The following PTPRT variants were observed in gnomAD, a reference collection of about 807,000 sequenced individuals.
PTPRT encodes the protein receptor-type tyrosine-protein phosphatase T.
A neutral mutation model predicts 176.8 loss-of-function variants in PTPRT; 56 were observed. The observed-to-expected ratio is 0.32, with a 90% CI of 0.26 to 0.40. The LOEUF (loss-of-function observed/expected upper bound fraction) is 0.40. Among genes scored for constraint, PTPRT ranks in the 10% least tolerant of loss-of-function variants. The probability of loss-of-function intolerance (pLI) is 1.00; values close to 1 mark genes in which losing one functional copy is unlikely to be tolerated. For missense variants in PTPRT, 1,540 were observed against 1,908.2 expected (o/e 0.81, Z 3.60); for synonymous variants, 783 against 739.0 (o/e 1.06, Z -0.96).
chr20:43,167,724 A>AT (rs1239072899), intron 1 of PTPRT, among the ~76,000 whole-genome samples: 2 of 152,192 alleles, frequency 1.3e-5, no homozygotes, highest in Non-Finnish European at 2.9e-5. Context: ...CATATGTTAG[A>AT]AAGGTCCATG....
In PTPRT at chr20:42,957,736, A is replaced by C. The variant is rs1418163928; in HGVS notation, c.89-71804T>G. Among the ~76,000 whole-genome samples, 4 of 152,194 alleles carry C rather than the reference A, an allele frequency of 2.6e-5. No homozygotes were observed. The South Asian group carries it at 6.2e-4, about 24-fold the overall frequency. ...TGCACTGCACTGTACCCATCTCTGG[A>C]AATTTTTTAACAAACTCAGATTTAA... On this transcript the variant is annotated intron_variant, in intron 1 of 30. Transcript: ENST00000373187.
intron 1 of PTPRT, among the ~76,000 whole-genome samples, chr20:43,010,299 G>T (rs1178272745): frequency 6.6e-6 from 1 of 152,050 alleles, no homozygotes. Flanking sequence ...ATGATCATTG[G>T]TAAGGCTTCC....
In PTPRT at chr20:42,294,567, C is replaced by T. The variant is rs190281065; in HGVS notation, c.2140-12042G>A. 4.6e-5 allele frequency among the ~76,000 whole-genome samples: 7 copies of T among 152,042 alleles called. No individual in the cohort carries two copies. The East Asian group carries it at 1.4e-3, about 29-fold the overall frequency. ...AACAAACTGTTTCTGAACTGAGAAT[C>T]GTATAAGCCACTTTAAATCTAAAAA... is the stretch of plus-strand genomic sequence containing the variant. On this transcript the variant is annotated intron_variant, in intron 12 of 30. Coordinates refer to ENST00000373187, the MANE Select transcript of PTPRT (RefSeq NM_007050.6).
intron 1 of PTPRT, among the ~76,000 whole-genome samples, chr20:42,944,835 G>A (rs895612544): frequency 6.6e-6 from 1 of 152,086 alleles, no homozygotes; most frequent in Non-Finnish European, 1.5e-5. Context: ...ATGTGTCTGT[G>A]ATATCTTACC....
At chr20:42,127,139 C>G (rs6029986) in intron 19 of PTPRT, among the ~76,000 whole-genome samples, 134,378 of 152,268 alleles carry the variant, frequency 0.88, 59,367 homozygotes, top group African/African-American at 0.92. Flanking sequence ...AGGGACAGGA[C>G]TAGGCTGCAA....
Position 43,186,256 on chromosome 20 carries a change from C to T in PTPRT, c.88+3390G>A, listed in dbSNP as rs567893326. ...CGGCATAGGTAGAAAGAAGCAGAGG[C>T]GGGATTTAAACTGAGGACTTCAGAT... On this transcript the variant is annotated intron_variant, in intron 1 of 30. Coordinates refer to ENST00000373187, the MANE Select transcript of PTPRT (RefSeq NM_007050.6). Among the ~76,000 whole-genome samples, 5 of 152,342 alleles carry T rather than the reference C, an allele frequency of 3.3e-5. No individual in the cohort carries two copies. In the East Asian group the frequency reaches 7.7e-4, roughly 24 times the overall value.
chr20:43,027,438 T>TAC (rs1985958525), intron 1 of PTPRT, among the ~76,000 whole-genome samples: 1 of 147,372 alleles, frequency 6.8e-6, no homozygotes, highest in Non-Finnish European at 1.5e-5. Context: ...ATCGTGCCAC[T>TAC]ACACTCCAGC....
intron 1 of PTPRT, chr20:42,969,758 C>G (rs1320921927): frequency 1.3e-5 from 2 of 152,176 alleles, no homozygotes; most frequent in Admixed American, 6.5e-5. Context: ...TATTAATATT[C>G]ATACTTTTTG....
At chr20:42,794,567 C>A (rs1453172455) in intron 2 of PTPRT, among the ~76,000 whole-genome samples, 1 of 152,140 alleles carries the variant, frequency 6.6e-6, no homozygotes, top group Non-Finnish European at 1.5e-5. Flanking sequence ...GGGCAGTGCA[C>A]CATAAAAGAA....
intron 16 of PTPRT, among the ~76,000 whole-genome samples, chr20:42,168,328 A>T (rs1989919814): frequency 1.3e-5 from 2 of 152,160 alleles, no homozygotes; most frequent in African/African-American, 4.8e-5. Flanking sequence ...GTAATTGCTG[A>T]TGGTGATGAC....
Position 43,078,640 on chromosome 20 carries a change from T to C in PTPRT, c.88+111006A>G, listed in dbSNP as rs78945494. ...TGCCATAGGGAAAGCAACAAAAATC[T>C]AACTCAAACAAACGCTTTCCACTTA... On this transcript the variant is annotated intron_variant, in intron 1 of 30. Transcript: ENST00000373187. Among the ~76,000 whole-genome samples the C allele has an allele frequency of 9.4e-4, 143 of 152,328 alleles. 4 individuals are homozygous for C. In the East Asian group the frequency reaches 0.027, roughly 29 times the overall value.
At chr20:43,033,030 G>C (rs1055237164) in intron 1 of PTPRT, among the ~76,000 whole-genome samples, 2 of 152,144 alleles carry the variant, frequency 1.3e-5, no homozygotes, top group East Asian at 3.9e-4. Context: ...TGTCTGTGTG[G>C]TGTGTGCGGT....
chr20:42,109,323 G>A lies in PTPRT; in HGVS notation c.3254+1010C>T, dbSNP rs541287195. On this transcript the variant is annotated intron_variant, in intron 23 of 30. Coordinates refer to ENST00000373187, the MANE Select transcript of PTPRT (RefSeq NM_007050.6). ...CAAGGTCATATTGGAAGAGAGAGGC[G>A]TTGGGAAGGAGGGGGATGCCAGCTG... 2.4e-4 allele frequency among the ~76,000 whole-genome samples: 36 copies of A among 152,256 alleles called. No homozygotes were observed. The South Asian group carries it at 3.9e-3, about 17-fold the overall frequency.
chr20:42,234,295 C>T (rs1370786538), intron 15 of PTPRT, among the ~76,000 whole-genome samples: 1 of 152,184 alleles, frequency 6.6e-6, no homozygotes, highest in Non-Finnish European at 1.5e-5. Flanking sequence ...CCATTACCCT[C>T]ATTTTATAAT....
intron 5 of PTPRT, among the ~76,000 whole-genome samples, chr20:42,765,798 T>C (rs914629190): frequency 6.6e-6 from 1 of 152,116 alleles, no homozygotes; most frequent in Non-Finnish European, 1.5e-5. Flanking sequence ...CACTTACATG[T>C]TATGAAAATG....
intron 6 of PTPRT, among the ~76,000 whole-genome samples, chr20:42,706,581 C>T (rs1261002962): frequency 6.6e-6 from 1 of 152,132 alleles, no homozygotes. Flanking sequence ...GCACCTGGCA[C>T]ATAGCAGTCA....
chr20:42,865,230 T>C (rs745313301), intron 2 of PTPRT, among the ~76,000 whole-genome samples: 8 of 152,190 alleles, frequency 5.3e-5, no homozygotes, highest in Non-Finnish European at 1.2e-4. Flanking sequence ...CTCTTCCTTG[T>C]ATAGGTTAAG....
intron 6 of PTPRT, among the ~76,000 whole-genome samples, chr20:42,738,788 G>A (rs532102221): frequency 6.6e-6 from 1 of 152,196 alleles, no homozygotes; most frequent in Admixed American, 6.5e-5. Context: ...AGTGGCAAAT[G>A]GGGCTGGGCA....
chr20:43,011,895 C>T (rs933350872), intron 1 of PTPRT, among the ~76,000 whole-genome samples: 7 of 152,146 alleles, frequency 4.6e-5, no homozygotes, highest in Non-Finnish European at 5.9e-5. Flanking sequence ...CTGAGTCTTC[C>T]GGCCTTCATC....
Sources: gnomAD v4.1 joint callset for allele counts (sites outside exome capture counted in the v4.1 genomes callset) on GRCh38, gnomAD v4.1.1 for gene constraint, MANE v1.5 for transcripts, NCBI Gene and HGNC (gene_info 2026-07-23, HGNC 2026-07-21) for gene names.